Variants in UTP18 observed in about 807,000 individuals in gnomAD.
UTP18 encodes the protein UTP18 small subunit processome component, also known as U3 small nucleolar RNA-associated protein 18 homolog.
UTP18 carries 36 observed loss-of-function variants against 61.1 expected under a neutral mutation model. The ratio of observed to expected loss-of-function variants is 0.59; its 90% CI spans 0.45 to 0.78. The LOEUF (loss-of-function observed/expected upper bound fraction) is 0.78. Among genes scored for constraint, UTP18 ranks in the 30% least tolerant of loss-of-function variants. The pLI is 0.00. For missense variants in UTP18, 753 were observed against 693.9 expected (o/e 1.09, Z -0.96); for synonymous variants, 282 against 251.1 (o/e 1.12, Z -1.16).
chr17:51,281,818 C>T (rs1904937313), intron 9 of UTP18, among the ~76,000 whole-genome samples: 1 of 152,048 alleles, frequency 6.6e-6, no homozygotes, highest in Non-Finnish European at 1.5e-5. Context: ...ATAAGTAGTC[C>T]TACCTTTCTT....
chr17:51,282,797 G>T (rs1398115495), intron 9 of UTP18, among the ~76,000 whole-genome samples: 1 of 151,994 alleles, frequency 6.6e-6, no homozygotes, highest in Non-Finnish European at 1.5e-5. Flanking sequence ...TAAGTTAGGG[G>T]TAATTTTGAA....
chr17:51,276,962 C>A (rs1460307966), intron 6 of UTP18, among the ~76,000 whole-genome samples, 168 bp from the exon 7 acceptor site: 3 of 152,184 alleles, frequency 2.0e-5, no homozygotes, highest in Non-Finnish European at 4.4e-5. Flanking sequence ...TTATGAAGGC[C>A]TCTTGACATA....
At chr17:51,279,855 C>T (rs1414876620) in intron 7 of UTP18, 150 bp from the exon 8 acceptor site, 18 of 635,974 alleles carry the variant, frequency 2.8e-5, no homozygotes, top group Non-Finnish European at 3.8e-5. Flanking sequence ...GTGATGCCTG[C>T]GTTTAGACTT....
intron 8 of UTP18, 114 bp from the exon 9 acceptor site, chr17:51,280,275 A>G: frequency 7.4e-7 from 1 of 1,347,640 alleles, no homozygotes; most frequent in Non-Finnish European, 1.0e-6. Flanking sequence ...ATTACAGGGA[A>G]AAATAAAGTT....
intron 9 of UTP18, among the ~76,000 whole-genome samples, chr17:51,281,172 T>TTA (rs1904909195): frequency 6.8e-6 from 1 of 146,944 alleles, no homozygotes; most frequent in East Asian, 2.0e-4. Flanking sequence ...ATATTTTTTT[T>TTA]AAACGAAAAG....
At chr17:51,281,197 A>G (rs1904910138) in intron 9 of UTP18, among the ~76,000 whole-genome samples, 1 of 149,068 alleles carries the variant, frequency 6.7e-6, no homozygotes, top group Non-Finnish European at 1.5e-5. Flanking sequence ...GTTTGGTTTT[A>G]AAGTTTCTTT....
intron 13 of UTP18, 71 bp from the exon 14 acceptor site, chr17:51,297,711 T>C (rs2144454062): frequency 2.3e-6 from 1 of 428,946 alleles, no homozygotes; most frequent in Non-Finnish European, 4.6e-6. Context: ...AAAGATTACA[T>C]TGCCAGTACG....
intron 5 of UTP18, among the ~76,000 whole-genome samples, chr17:51,273,725 C>A (rs1281540378): frequency 2.1e-5 from 2 of 93,732 alleles, no homozygotes; most frequent in Non-Finnish European, 2.4e-5. Context: ...GAAAGCGAGA[C>A]CCTGTCTCTA....
chr17:51,288,640 T>C (rs914340212), intron 11 of UTP18: 2 of 455,986 alleles, frequency 4.4e-6, no homozygotes, highest in African/African-American at 4.0e-5. Context: ...GTAATTTAAA[T>C]AGCTAGGTAG....
Position 51,288,058 on chromosome 17 carries a change from A to G in UTP18, c.1358A>G (p.Asn453Ser), listed in dbSNP as rs756684482. ...GSNCGVVNIY[N>S]QDSCLQETNP... ...AATTGTGGAGTGGTAAATATATACA[A>G]TCAAGATTCTTGTCTCCAAGAAACA... Residue 453 changes from asparagine (N) to serine (S), a missense_variant, in exon 11 of 14, where the codon AAT becomes AGT. Transcript: ENST00000225298. 36 of 1,599,160 alleles carry G rather than the reference A, an allele frequency of 2.3e-5. No individual in the cohort carries two copies. Among genetic ancestry groups the G allele is most frequent in the South Asian group, 3.4e-5 (3 of 87,120 alleles).
chr17:51,289,095 T>A (rs977232529), intron 11 of UTP18, among the ~76,000 whole-genome samples: 1 of 152,154 alleles, frequency 6.6e-6, no homozygotes, highest in Non-Finnish European at 1.5e-5. Flanking sequence ...GAGCTACCCA[T>A]ATCATTTAGG....
intron 7 of UTP18, among the ~76,000 whole-genome samples, chr17:51,277,937 G>A (rs1904785312): frequency 6.6e-6 from 1 of 152,092 alleles, no homozygotes; most frequent in Admixed American, 6.6e-5. Flanking sequence ...GAGGTTGTCT[G>A]GCTAATCTCA....
At chr17:51,270,531 A>G (rs944119180) in intron 4 of UTP18, among the ~76,000 whole-genome samples, 13 of 152,234 alleles carry the variant, frequency 8.5e-5, no homozygotes, top group Non-Finnish European at 1.3e-4. Context: ...GCATAATCCA[A>G]TTGAAGTTGG....
chr17:51,274,527 C>T (rs529046150), intron 5 of UTP18, among the ~76,000 whole-genome samples: 81 of 152,028 alleles, frequency 5.3e-4, no homozygotes, highest in Non-Finnish European at 4.3e-4. Context: ...CTGCAACCTC[C>T]GCCTCCCGGG....
Position 51,296,946 on chromosome 17 carries a change from T to G in UTP18, c.1647-19T>G. 1 of 1,604,514 alleles carries G rather than the reference T, an allele frequency of 6.2e-7. No homozygotes were observed. Among genetic ancestry groups the G allele is most frequent in the Non-Finnish European group, 8.5e-7 (1 of 1,176,446 alleles). On this transcript the variant is annotated intron_variant, in intron 12 of 13. Coordinates refer to ENST00000225298, the MANE Select transcript of UTP18 (RefSeq NM_016001.3). ...GTAATTACAAAGTTGTTCAGATGAC[T>G]TATTTTTTACTTTTCCAGGTTGCAC...
chr17:51,293,816 T>C lies in UTP18; in HGVS notation c.1504-87T>C, dbSNP rs1234325398. ...CTACAATCAAAATGAGCTTTATGTT[T>C]CAGCAGGAAGATAGAGTGAAGATTA... On this transcript the variant is annotated intron_variant, in intron 11 of 13. Transcript: ENST00000225298. The C allele has an allele frequency of 2.6e-6, 3 of 1,170,920 alleles. No individual in the cohort carries two copies. In the East Asian group the frequency reaches 8.1e-5, roughly 31 times the overall value. 72.5% of individuals were successfully genotyped at this position (1,170,920 alleles called of 1,614,324 possible).
intron 11 of UTP18, among the ~76,000 whole-genome samples, chr17:51,289,409 A>G (rs1263916263): frequency 1.4e-5 from 2 of 143,864 alleles, no homozygotes; most frequent in East Asian, 2.0e-4. Flanking sequence ...GGGTTTCACC[A>G]TTTTGGTCAG....
chr17:51,291,028 C>T (rs1315483862), intron 11 of UTP18, among the ~76,000 whole-genome samples: 1 of 152,252 alleles, frequency 6.6e-6, no homozygotes, highest in African/African-American at 2.4e-5. Flanking sequence ...ACTTTCTACC[C>T]ATTAAATCAA....
intron 4 of UTP18, among the ~76,000 whole-genome samples, chr17:51,269,312 A>AC (rs1568265625): frequency 2.0e-5 from 3 of 150,584 alleles, no homozygotes; most frequent in Non-Finnish European, 3.0e-5. Flanking sequence ...AAAAAAAAAA[A>AC]AAAAAAAAAA....
Sources: gnomAD v4.1 joint callset for allele counts (sites outside exome capture counted in the v4.1 genomes callset) on GRCh38, gnomAD v4.1.1 for gene constraint, MANE v1.5 for transcripts, NCBI Gene and HGNC (gene_info 2026-07-23, HGNC 2026-07-21) for gene names.